The following ABHD18 variants were observed in gnomAD, a reference collection of about 807,000 sequenced individuals.
ABHD18 encodes abhydrolase domain containing 18.
A neutral mutation model predicts 65.9 loss-of-function variants in ABHD18; 55 were observed. That is an observed-to-expected ratio of 0.84 (90% CI 0.67 to 1.05). The LOEUF (loss-of-function observed/expected upper bound fraction) is 1.05, where lower values mean the gene tolerates loss of function less well. Among genes scored for constraint, ABHD18 ranks in the 50% least tolerant of loss-of-function variants. ABHD18 has a pLI of 0.00. For missense variants in ABHD18, 533 were observed against 558.5 expected (o/e 0.95, Z 0.46); for synonymous variants, 181 against 180.2 (o/e 1.00, Z -0.04).
At chr4:128,002,533 G>T (rs1054852404) in intron 4 of ABHD18, among the ~76,000 whole-genome samples, 1 of 149,006 alleles carries the variant, frequency 6.7e-6, no homozygotes, top group African/African-American at 2.5e-5. Flanking sequence ...CCCTGCCTTG[G>T]CCTCCCAAAG....
intron 3 of ABHD18, among the ~76,000 whole-genome samples, chr4:127,985,470 C>G (rs1217671873): frequency 6.6e-6 from 1 of 152,104 alleles, no homozygotes; most frequent in Non-Finnish European, 1.5e-5. Context: ...TCCTCTATAT[C>G]ATAGAAGTTC....
chr4:128,029,375 T>TACAC (rs1304067781), intron 11 of ABHD18, among the ~76,000 whole-genome samples: 1 of 150,652 alleles, frequency 6.6e-6, no homozygotes, highest in Non-Finnish European at 1.5e-5. Context: ...CAAACACACA[T>TACAC]ACACACACTC....
At chr4:127,991,748 T>C (rs1055459446) in intron 4 of ABHD18, among the ~76,000 whole-genome samples, 3 of 152,306 alleles carry the variant, frequency 2.0e-5, no homozygotes, top group African/African-American at 7.2e-5. Context: ...TAGTGATACA[T>C]GTATGGGCAT....
At chr4:127,970,660 A>G (rs948052473) in intron 1 of ABHD18, among the ~76,000 whole-genome samples, 1 of 151,776 alleles carries the variant, frequency 6.6e-6, no homozygotes, top group African/African-American at 2.4e-5. Context: ...GTGAAGTCCT[A>G]TCTGGGTGCA....
chr4:127,979,431 T>A (rs999082729), intron 1 of ABHD18, among the ~76,000 whole-genome samples: 13 of 152,148 alleles, frequency 8.5e-5, no homozygotes, highest in Admixed American at 7.9e-4. Flanking sequence ...GGCGGGCACC[T>A]GTAGTCCCAG....
At chr4:128,021,321 G>A (rs1756463421) in intron 10 of ABHD18, 83 bp downstream of exon 10, 6 of 853,180 alleles carry the variant, frequency 7.0e-6, no homozygotes, top group Non-Finnish European at 1.1e-5. Flanking sequence ...AAAGAGAATA[G>A]CAAATTTTTA....
chr4:128,028,459 C>T lies in ABHD18; in HGVS notation c.802-16C>T. On this transcript the variant is annotated splice_polypyrimidine_tract_variant and intron_variant, in intron 10 of 12. Coordinates refer to ENST00000645843, the MANE Select transcript of ABHD18 (RefSeq NM_001358451.3). ...TTTTATATTAAATAATGTTTTCTTT[C>T]CTTTCATATGTTCAGACAGATTCTT... The T allele has an allele frequency of 9.8e-6, 14 of 1,435,120 alleles. No homozygotes were observed. Among genetic ancestry groups the T allele is most frequent in the South Asian group, 5.0e-5 (3 of 60,382 alleles). The allele number at this position is 1,435,120 out of a possible 1,614,324, so 88.9% of individuals were successfully genotyped here. A position where few individuals can be genotyped will look rare whatever the true frequency, so the allele number is the denominator to read the frequency against.
At chr4:128,000,578 T>C (rs186212311) in intron 4 of ABHD18, among the ~76,000 whole-genome samples, 1 of 152,330 alleles carries the variant, frequency 6.6e-6, no homozygotes, top group Admixed American at 6.5e-5. Context: ...TGCTTCCAGC[T>C]TTGCTTTTTT....
intron 7 of ABHD18, among the ~76,000 whole-genome samples, chr4:128,015,423 A>G (rs189637583): frequency 6.6e-6 from 1 of 152,326 alleles, no homozygotes; most frequent in East Asian, 1.9e-4. Flanking sequence ...ACTTCTACTA[A>G]AAGAGCAATC....
At chr4:127,992,322 A>C (rs1751054184) in intron 4 of ABHD18, among the ~76,000 whole-genome samples, 1 of 151,992 alleles carries the variant, frequency 6.6e-6, no homozygotes, top group African/African-American at 2.4e-5. Flanking sequence ...AAATACAAAA[A>C]AATTTAGCCA....
At chr4:127,966,829 G>T (rs1189220600) in intron 1 of ABHD18, among the ~76,000 whole-genome samples, 1 of 146,672 alleles carries the variant, frequency 6.8e-6, no homozygotes. Flanking sequence ...AGGCTGCAGT[G>T]AGCCGAGATC....
chr4:128,029,507 C>A (rs1757903635), intron 11 of ABHD18, among the ~76,000 whole-genome samples: 1 of 151,886 alleles, frequency 6.6e-6, no homozygotes, highest in African/African-American at 2.4e-5. Context: ...ATAGTGAGAC[C>A]CTGTCCTTAT....
chr4:127,974,997 C>CAAAAA (rs34068699), intron 1 of ABHD18, among the ~76,000 whole-genome samples: 4 of 88,254 alleles, frequency 4.5e-5, no homozygotes, highest in South Asian at 4.3e-4. Flanking sequence ...AACTGTGTCT[C>CAAAAA]AAAAAAAAAA....
At chr4:128,012,328 C>G (rs896733981) in intron 7 of ABHD18, among the ~76,000 whole-genome samples, 5 of 152,122 alleles carry the variant, frequency 3.3e-5, no homozygotes, top group African/African-American at 1.2e-4. Flanking sequence ...ACACTTTATT[C>G]TTACAATGCA....
At chr4:128,011,368 T>A (rs1228691301) in intron 6 of ABHD18, among the ~76,000 whole-genome samples, 1 of 152,038 alleles carries the variant, frequency 6.6e-6, no homozygotes, top group Non-Finnish European at 1.5e-5. Context: ...CAGGATGGTC[T>A]CGATCTCCTG....
Position 128,017,492 on chromosome 4 carries a change from G to A in ABHD18, c.600G>A (p.Met200Ile). The A allele has an allele frequency of 6.2e-7, 1 of 1,609,946 alleles. No homozygotes were observed. The highest frequency in any genetic ancestry group is 1.1e-5 in the South Asian group (1 of 89,812). ...YGPLGMTGISMGGHMASLAVS... is the reference protein window; with the variant it reads ...YGPLGMTGISIGGHMASLAVS... ...CTTTAGGAATGACTGGAATATCCAT[G>A]GGAGGACACGTAAGCCTTTTTATTT... The change falls in exon 8 of 13, where the codon ATG (methionine) becomes ATA (isoleucine). Residue 200 changes from methionine (M) to isoleucine (I), a missense_variant. Met to Ile is a conservative substitution (Grantham distance 10, BLOSUM62 1). Coordinates refer to ENST00000645843, the MANE Select transcript of ABHD18 (RefSeq NM_001358451.3).
chr4:128,021,859 G>A (rs527702171), intron 10 of ABHD18, among the ~76,000 whole-genome samples: 2 of 152,102 alleles, frequency 1.3e-5, no homozygotes, highest in Non-Finnish European at 2.9e-5. Flanking sequence ...ATTAGTAATC[G>A]TTATCCTTAT....
intron 7 of ABHD18, among the ~76,000 whole-genome samples, chr4:128,013,698 A>C (rs1037714251): frequency 4.3e-5 from 6 of 140,272 alleles, no homozygotes; most frequent in Non-Finnish European, 7.7e-5. Context: ...ACTCCGTCTC[A>C]AAAAAAAAAA....
In ABHD18 at chr4:128,021,287, G is replaced by A. The variant is rs773456964; in HGVS notation, c.801+49G>A. ...ACATTGGTGGTGGGGGGAGTTGATT[G>A]TATATTTAATGATTCAGGTTTTTAA... On this transcript the variant is annotated intron_variant, in intron 10 of 12. Coordinates refer to ENST00000645843, the MANE Select transcript of ABHD18 (RefSeq NM_001358451.3). 3.7e-6 allele frequency: 4 copies of A among 1,093,580 alleles called. No individual in the cohort carries two copies. In the South Asian group the frequency reaches 4.3e-5, roughly 12 times the overall value. 67.7% of individuals were successfully genotyped at this position (1,093,580 alleles called of 1,614,324 possible).
Sources: allele counts gnomAD v4.1 joint callset (sites outside exome capture counted in the v4.1 genomes callset), GRCh38; gene constraint gnomAD v4.1.1; transcripts MANE v1.5; gene names NCBI Gene and HGNC (gene_info 2026-07-23, HGNC 2026-07-21).